GVQW3: variants seen among roughly 807,000 people sequenced by gnomAD.
GVQW3 encodes protein GVQW3.
A neutral mutation model predicts 12.5 loss-of-function variants in GVQW3; 7 were observed. The ratio of observed to expected loss-of-function variants is 0.56; its 90% confidence interval spans 0.32 to 1.05. GVQW3 has a LOEUF of 1.05. Among genes scored for constraint, GVQW3 ranks in the 50% least tolerant of loss-of-function variants. The pLI, the probability that GVQW3 is intolerant of heterozygous loss-of-function variation, is 0.04. For missense variants in GVQW3, 188 were observed against 190.8 expected (o/e 0.99, Z 0.09); for synonymous variants, 71 against 67.2 (o/e 1.06, Z -0.28).
rs575349892 is a variant in GVQW3 at position 76,397,571 on chromosome 11, G to A, written c.466-6089G>A. On this transcript the variant is annotated intron_variant, in intron 1 of 1. Coordinates refer to ENST00000529331, the MANE Select transcript of GVQW3 (RefSeq NM_001347885.2). ...TTAACACCAGTTTTCACTTGGTAGG[G>A]TTGGGGATCTCTGATTTGTAACATT... Among the ~76,000 whole-genome samples, 5 of 152,286 alleles carry A rather than the reference G, an allele frequency of 3.3e-5. No individual in the cohort carries two copies. The South Asian group carries it at 8.3e-4, about 25-fold the overall frequency.
At position 76,404,108 on chromosome 11, in the gene GVQW3, T is replaced by A; in HGVS notation, c.*350T>A. On this transcript the variant is annotated 3_prime_UTR_variant, in exon 2 of 2. Coordinates refer to ENST00000529331, the MANE Select transcript of GVQW3 (RefSeq NM_001347885.2). The stretch of plus-strand genomic sequence containing the variant: ...TGAACATATAAAATTGGCTGTCACA[T>A]CTCCATTTTGTTTATTTATTTACTT... 1 of 468,418 alleles carries A rather than the reference T, an allele frequency of 2.1e-6. No individual in the cohort carries two copies. The highest frequency in any genetic ancestry group is 3.8e-6 in the Non-Finnish European group (1 of 261,736). The allele number at this position is 468,418 out of a possible 1,614,324, so 29.0% of individuals were successfully genotyped here.
chr11:76,389,599 G>A (rs1011025276), intron 1 of GVQW3: 2 of 152,222 alleles, frequency 1.3e-5, no homozygotes, highest in Admixed American at 6.5e-5. Flanking sequence ...TGATGTAGTC[G>A]TAGGTCGGTA....
intron 1 of GVQW3, among the ~76,000 whole-genome samples, chr11:76,398,134 CAAAAAA>C (rs58006104): frequency 9.3e-6 from 1 of 108,096 alleles, no homozygotes; most frequent in Non-Finnish European, 2.0e-5. Context: ...GACTGTGTCT[CAAAAAA>C]AAAAAAAAAA....
chr11:76,412,870 C>T (rs1947090705), downstream of GVQW3: 1 of 152,210 alleles, frequency 6.6e-6, no homozygotes, highest in African/African-American at 2.4e-5. Flanking sequence ...GGGTCACAGG[C>T]TACATTTTTC....
In GVQW3 at chr11:76,406,647, T is replaced by C. The variant is rs1186280502; in HGVS notation, c.*2889T>C. ...ATTGTAATTTAGATGCAAAAGAATG[T>C]GTTGTCTGCTTTGCAGCCAATTTTC... On this transcript the variant is annotated 3_prime_UTR_variant, in exon 2 of 2. Coordinates refer to ENST00000529331, the MANE Select transcript of GVQW3 (RefSeq NM_001347885.2). 1 of 152,228 alleles carries C rather than the reference T, an allele frequency of 6.6e-6. No individual in the cohort carries two copies. Among genetic ancestry groups the C allele is most frequent in the African/African-American group, 2.4e-5 (1 of 41,458 alleles). The allele number at this position is 152,228 out of a possible 1,614,324, so 9.4% of individuals were successfully genotyped here.
At chr11:76,384,646 C>T (rs532015716) in intron 1 of GVQW3, among the ~76,000 whole-genome samples, 1 of 152,274 alleles carries the variant, frequency 6.6e-6, no homozygotes, top group African/African-American at 2.4e-5. Flanking sequence ...TTTGAGACAC[C>T]TTGAAAGCTA....
Position 76,381,928 on chromosome 11 carries a change from G to A in GVQW3, c.100G>A (p.Gly34Arg), listed in dbSNP as rs1447305194. The change falls in exon 1 of 2, where the codon GGG becomes AGG. Residue 34 changes from glycine (G) to arginine (R), a missense_variant. By Grantham distance (125) the Gly-to-Arg change is moderately radical (BLOSUM62 -2). Transcript: ENST00000529331. ...CCACCATCTTTTAAAAGAAGCTTATGGGGATGAAGTCATGTCAAGGGCCAG... is the reference window on the plus strand; with the variant it reads ...CCACCATCTTTTAAAAGAAGCTTATAGGGATGAAGTCATGTCAAGGGCCAG... ...ETHHLLKEAY[G>R]DEVMSRARVF... is the part of the protein sequence containing the mutation. 2 of 1,536,308 alleles carry A rather than the reference G, an allele frequency of 1.3e-6. No individual in the cohort carries two copies. The highest frequency in any genetic ancestry group is 1.2e-5 in the South Asian group (1 of 84,068).
downstream of GVQW3, chr11:76,412,606 T>G (rs1357385893): frequency 6.6e-6 from 1 of 152,226 alleles, no homozygotes; most frequent in Non-Finnish European, 1.5e-5. Context: ...TGAGGTCACC[T>G]TGGCCTCTGT....
downstream of GVQW3, chr11:76,411,973 C>T (rs150505183): frequency 5.3e-5 from 8 of 152,326 alleles, no homozygotes; most frequent in Non-Finnish European, 8.8e-5. Flanking sequence ...CCACAGATAG[C>T]TTTAACTCTC....
intron 1 of GVQW3, among the ~76,000 whole-genome samples, chr11:76,397,728 G>T (rs977311273): frequency 6.6e-6 from 1 of 152,202 alleles, no homozygotes; most frequent in African/African-American, 2.4e-5. Context: ...ACAAATAAAA[G>T]TTGCATGGTT....
chr11:76,387,173 GA>G (rs2134539767), intron 1 of GVQW3, among the ~76,000 whole-genome samples: 1 of 151,776 alleles, frequency 6.6e-6, no homozygotes, highest in Non-Finnish European at 1.5e-5. Context: ...CGGTGGCTCA[GA>G]CCTGTAATCC....
chr11:76,400,819 A>C (rs951579515), intron 1 of GVQW3, among the ~76,000 whole-genome samples: 1 of 151,830 alleles, frequency 6.6e-6, no homozygotes, highest in Non-Finnish European at 1.5e-5. Context: ...TTCTCTCTTT[A>C]TCTCTCTTTA....
rs114847174 is a variant in GVQW3, at chr11:76,404,154, G to A, written c.*396G>A. On this transcript the variant is annotated 3_prime_UTR_variant, in exon 2 of 2. Transcript: ENST00000529331. Reference sequence around the variant, plus strand: ...TACTTATTTATTTTAGACTAGTTAAGTTCAGTAGTGAGAAAGAGGGAAGGA... The same window carrying A: ...TACTTATTTATTTTAGACTAGTTAAATTCAGTAGTGAGAAAGAGGGAAGGA... The A allele has an allele frequency of 2.3e-6, 1 of 432,376 alleles. No individual in the cohort carries two copies. Among genetic ancestry groups the A allele is most frequent in the Non-Finnish European group, 4.1e-6 (1 of 243,714 alleles). The allele number at this position is 432,376 out of a possible 1,614,324, so 26.8% of individuals were successfully genotyped here.
At chr11:76,396,614 C>CCTTTTTTTGTTTGTTTTTTTGAGATGGAG in intron 1 of GVQW3, among the ~76,000 whole-genome samples, 2 of 152,168 alleles carry the variant, frequency 1.3e-5, no homozygotes, top group African/African-American at 4.8e-5. Flanking sequence ...CATGCCTGGG[C>CCTTTTTTTGTTTGTTTTTTTGAGATGGAG]TCAAATTAGA....
At position 76,403,850 on chromosome 11, in the gene GVQW3, G is replaced by A. The variant is rs1947014153; in HGVS notation, c.*92G>A. On this transcript the variant is annotated 3_prime_UTR_variant, in exon 2 of 2. Coordinates refer to ENST00000529331, the MANE Select transcript of GVQW3 (RefSeq NM_001347885.2). ...GAGCGAGGAGTGCTGATGTACAAGG[G>A]CAGGAGAAGATGGATGTCACAGCTC... 1 of 695,960 alleles carries A rather than the reference G, an allele frequency of 1.4e-6. No individual in the cohort carries two copies. Among genetic ancestry groups the A allele is most frequent in the South Asian group, 1.5e-5 (1 of 66,584 alleles). 43.1% of individuals were successfully genotyped at this position (695,960 alleles called of 1,614,324 possible).
chr11:76,401,773 C>CG (rs762552771), intron 1 of GVQW3, among the ~76,000 whole-genome samples: 3 of 88,946 alleles, frequency 3.4e-5, no homozygotes, highest in Non-Finnish European at 7.0e-5. Context: ...AACTCTGTCT[C>CG]AAAAAAAAAA....
At position 76,382,267 on chromosome 11, in the gene GVQW3, A is replaced by G. The variant is rs1565239912; in HGVS notation, c.439A>G (p.Lys147Glu). The G allele has an allele frequency of 6.5e-7, 1 of 1,531,146 alleles. No individual in the cohort carries two copies. Among genetic ancestry groups the G allele is most frequent in the Non-Finnish European group, 8.8e-7 (1 of 1,142,716 alleles). The allele number at this position is 1,531,146 out of a possible 1,614,324, so 94.8% of individuals were successfully genotyped here. A position where few individuals can be genotyped will look rare whatever the true frequency, so the allele number is the denominator to read the frequency against. ...FRSDLSKETRKNSSCLRKKRR... is the reference protein window; with the variant it reads ...FRSDLSKETRENSSCLRKKRR... The stretch of plus-strand genomic sequence containing the variant: ...GTCCGATCTTTCAAAGGAAACTAGG[A>G]AAAATAGCTCATGTTTGAGGAAAAA... The change falls in exon 1 of 2, where the codon AAA becomes GAA. Residue 147 changes from lysine (K) to glutamate (E), a missense_variant. Lys to Glu is a moderately conservative substitution (Grantham distance 56, BLOSUM62 1). Transcript: ENST00000529331.
chr11:76,390,999 C>T (rs1024017046), intron 1 of GVQW3, among the ~76,000 whole-genome samples: 1 of 151,948 alleles, frequency 6.6e-6, no homozygotes, highest in Non-Finnish European at 1.5e-5. Flanking sequence ...CAGCACAACA[C>T]CTGGCATGGA....
intron 1 of GVQW3, among the ~76,000 whole-genome samples, chr11:76,388,289 A>G (rs1946856258): frequency 1.3e-5 from 2 of 152,166 alleles, no homozygotes; most frequent in East Asian, 1.9e-4. Context: ...ATGCTTGCAA[A>G]TATATATATG....
Sources: allele counts gnomAD v4.1 joint callset (sites outside exome capture counted in the v4.1 genomes callset), GRCh38; gene constraint gnomAD v4.1.1; transcripts MANE v1.5; gene names NCBI Gene and HGNC (gene_info 2026-07-23, HGNC 2026-07-21).